PDE1C: variants seen among roughly 807,000 people sequenced by gnomAD.
PDE1C encodes the protein dual specificity calcium/calmodulin-dependent 3',5'-cyclic nucleotide phosphodiesterase 1C.
In PDE1C, 62 loss-of-function variants were observed where a neutral mutation model predicts 93.1. The ratio of observed to expected loss-of-function variants is 0.67; its 90% CI spans 0.54 to 0.82. The LOEUF (loss-of-function observed/expected upper bound fraction) is 0.82, where lower values mean the gene tolerates loss of function less well. Ranked by LOEUF, PDE1C falls within the 40% of genes least tolerant of loss-of-function variation. The pLI, the probability that PDE1C is intolerant of heterozygous loss-of-function variation, is 0.00. For synonymous variants in PDE1C, 325 were observed against 310.1 expected (o/e 1.05, Z -0.50); for missense variants, 742 against 884.6 (o/e 0.84, Z 2.04).
At chr7:32,176,893 G>C (rs1803033826) in intron 2 of PDE1C, among the ~76,000 whole-genome samples, 1 of 152,138 alleles carries the variant, frequency 6.6e-6, no homozygotes, top group Non-Finnish European at 1.5e-5. Context: ...AGTAGGAGAA[G>C]GTAAAGAAGC....
At chr7:32,292,470 A>C (rs1812395726) in intron 1 of PDE1C, among the ~76,000 whole-genome samples, 1 of 152,238 alleles carries the variant, frequency 6.6e-6, no homozygotes. Context: ...CAGTCTGATC[A>C]CTATGCTTAC....
chr7:31,839,370 AAC>A (rs984839135), intron 9 of PDE1C, among the ~76,000 whole-genome samples: 3 of 142,290 alleles, frequency 2.1e-5, no homozygotes, highest in Admixed American at 7.4e-5. Flanking sequence ...ATTATATATT[AAC>A]ACAGATACTA....
chr7:32,179,412 C>A (rs1803237129), intron 2 of PDE1C, among the ~76,000 whole-genome samples: 1 of 152,024 alleles, frequency 6.6e-6, no homozygotes, highest in African/African-American at 2.4e-5. Flanking sequence ...AGACGTCCGC[C>A]ACCATGCCCA....
chr7:31,642,992 G>A, the PDE1C span: 20 of 1,613,964 alleles, frequency 1.2e-5, no homozygotes, highest in Non-Finnish European at 1.7e-5. Flanking sequence ...AGCCATCTGT[G>A]GCAGCTTCTG....
At chr7:31,867,827 TG>T (rs1795484160) in intron 6 of PDE1C, among the ~76,000 whole-genome samples, 1 of 152,102 alleles carries the variant, frequency 6.6e-6, no homozygotes, top group Non-Finnish European at 1.5e-5. Context: ...CTGCCACTAC[TG>T]GGGCCCAAGG....
In PDE1C at chr7:31,890,481, T is replaced by A. The variant is rs144885317; in HGVS notation, c.129-9621A>T. Among the ~76,000 whole-genome samples the A allele has an allele frequency of 1.3e-3, 197 of 152,294 alleles. 5 individuals carry two copies. The highest frequency in any genetic ancestry group is 4.6e-3 in the African/African-American group (190 of 41,560). ...GCCTAGACACGTCAAGACACATCTT[T>A]CCATGTCTTCATAGTCAACCCGGTC... On this transcript the variant is annotated intron_variant, in intron 2 of 17. Coordinates refer to ENST00000396191, the MANE Select transcript of PDE1C (RefSeq NM_001191057.4).
At chr7:32,068,184 T>C (rs1019754823) in intron 1 of PDE1C, among the ~76,000 whole-genome samples, 3 of 152,222 alleles carry the variant, frequency 2.0e-5, no homozygotes. Context: ...CTTTCTAAAA[T>C]GTTGAAAGAG....
At chr7:31,769,760 C>A (rs1795363237) in intron 17 of PDE1C, among the ~76,000 whole-genome samples, 1 of 152,186 alleles carries the variant, frequency 6.6e-6, no homozygotes, top group Non-Finnish European at 1.5e-5. Context: ...AAGTCACTCT[C>A]CACTCTCTTT....
intron 2 of PDE1C, among the ~76,000 whole-genome samples, chr7:32,028,803 G>T (rs1789840744): frequency 6.6e-6 from 1 of 151,888 alleles, no homozygotes; most frequent in Non-Finnish European, 1.5e-5. Flanking sequence ...TTCCTCCTGT[G>T]TAACTGAGAT....
At chr7:31,624,707 C>T in the PDE1C span, among the ~76,000 whole-genome samples, 2 of 150,596 alleles carry the variant, frequency 1.3e-5, no homozygotes, top group African/African-American at 4.9e-5. Context: ...AGGACATAGG[C>T]ATGGGCAAGG....
At chr7:32,349,734 A>G (rs1350513935) in intron 1 of PDE1C, among the ~76,000 whole-genome samples, 1 of 152,010 alleles carries the variant, frequency 6.6e-6, no homozygotes, top group Admixed American at 6.5e-5. Context: ...GGTTCAAGCG[A>G]TTCTTCTGCC....
the PDE1C span, chr7:31,652,165 C>T: frequency 3.8e-4 from 311 of 824,376 alleles, 4 homozygotes; most frequent in South Asian, 4.9e-3. Context: ...ATGCCAACAC[C>T]TTCATTTTAA....
intron 2 of PDE1C, among the ~76,000 whole-genome samples, chr7:31,908,209 G>A (rs554227992): frequency 7.2e-5 from 11 of 152,162 alleles, no homozygotes; most frequent in African/African-American, 2.6e-4. Context: ...TAGTAATATT[G>A]CTGTATAAAC....
At chr7:32,125,796 T>G (rs938956743) in intron 3 of PDE1C, among the ~76,000 whole-genome samples, 2 of 152,070 alleles carry the variant, frequency 1.3e-5, no homozygotes, top group Non-Finnish European at 2.9e-5. Context: ...CGTATATCTA[T>G]GTAACAAACC....
the PDE1C span, among the ~76,000 whole-genome samples, chr7:31,637,992 G>A: frequency 6.6e-6 from 1 of 152,162 alleles, no homozygotes; most frequent in African/African-American, 2.4e-5. Flanking sequence ...ATTAAATAGG[G>A]AATCAGGAAG....
chr7:31,754,501 T>C (rs756257729), intron 17 of PDE1C, among the ~76,000 whole-genome samples: 3 of 152,180 alleles, frequency 2.0e-5, no homozygotes, highest in Non-Finnish European at 4.4e-5. Context: ...CCTTCAATAG[T>C]TGAGTGGATA....
chr7:32,307,217 G>GCC (rs1813028296), intron 1 of PDE1C, among the ~76,000 whole-genome samples: 6 of 152,124 alleles, frequency 3.9e-5, no homozygotes, highest in African/African-American at 1.4e-4. Context: ...AATATAGGTT[G>GCC]TGGGGAGCAG....
the PDE1C span, among the ~76,000 whole-genome samples, chr7:31,682,721 C>T: frequency 1.3e-5 from 2 of 152,108 alleles, no homozygotes; most frequent in Non-Finnish European, 2.9e-5. Flanking sequence ...GCAGTCAGCT[C>T]AGATGTCTTT....
intron 15 of PDE1C, 48 bp from the exon 16 acceptor site, chr7:31,809,156 G>T (rs779393020): frequency 1.9e-6 from 2 of 1,038,810 alleles, no homozygotes; most frequent in East Asian, 2.4e-5. Context: ...AGCTGAGGGG[G>T]TTGTTATAAA....
Sources: allele counts gnomAD v4.1 joint callset (sites outside exome capture counted in the v4.1 genomes callset), GRCh38; gene constraint gnomAD v4.1.1; transcripts MANE v1.5; gene names NCBI Gene and HGNC (gene_info 2026-07-23, HGNC 2026-07-21).